KIT: variants seen among roughly 807,000 people sequenced by gnomAD.
KIT encodes KIT proto-oncogene, receptor tyrosine kinase.
Under a neutral mutation model 105.7 loss-of-function variants are expected in KIT, and 16 were observed. The ratio of observed to expected loss-of-function variants is 0.15; its 90% CI spans 0.10 to 0.23. KIT has a LOEUF of 0.23. Ranked by LOEUF, KIT falls within the 10% of genes least tolerant of loss-of-function variation. The pLI is 1.00. For synonymous variants in KIT, 438 were observed against 441.1 expected, an observed-to-expected ratio of 0.99 and a Z score of 0.09; for missense variants, 858 against 1,213.8, an observed-to-expected ratio of 0.71 and a Z score of 4.36.
intron 16 of KIT, among the ~76,000 whole-genome samples, chr4:54,732,218 G>A (rs1364054659): frequency 1.3e-5 from 2 of 151,974 alleles, no homozygotes; most frequent in East Asian, 3.9e-4. Flanking sequence ...TAAAGTACAA[G>A]CCTGTCTAAA....
chr4:54,706,274 A>G (rs888878427), intron 5 of KIT, among the ~76,000 whole-genome samples: 2 of 152,152 alleles, frequency 1.3e-5, no homozygotes, highest in African/African-American at 4.8e-5. Context: ...AATTGTGCCA[A>G]TTTACAGTGT....
intron 1 of KIT, among the ~76,000 whole-genome samples, chr4:54,672,278 C>G (rs1236185424): frequency 6.6e-6 from 1 of 151,052 alleles, no homozygotes; most frequent in East Asian, 1.9e-4. Flanking sequence ...AAATTGGTGA[C>G]TTAGACGTTT....
At chr4:54,692,387 A>G (rs1719774033) in intron 1 of KIT, among the ~76,000 whole-genome samples, 1 of 152,196 alleles carries the variant, frequency 6.6e-6, no homozygotes, top group African/African-American at 2.4e-5. Context: ...AGGTGTGGAA[A>G]CTTGGACACA....
chr4:54,734,405 A>G (rs1578004522), intron 17 of KIT, among the ~76,000 whole-genome samples: 1 of 152,210 alleles, frequency 6.6e-6, no homozygotes, highest in African/African-American at 2.4e-5. Flanking sequence ...TAATATATGT[A>G]AAGTGCTTAT....
intron 1 of KIT, among the ~76,000 whole-genome samples, chr4:54,677,833 G>C (rs1305127089): frequency 6.6e-6 from 1 of 152,208 alleles, no homozygotes; most frequent in Admixed American, 6.5e-5. Flanking sequence ...TGATTTAATA[G>C]AAAGCTTGAC....
chr4:54,670,342 C>T (rs1235656603), intron 1 of KIT, among the ~76,000 whole-genome samples: 2 of 152,086 alleles, frequency 1.3e-5, no homozygotes, highest in African/African-American at 4.8e-5. Context: ...TCTTGCTAAC[C>T]TTACACCTGG....
At chr4:54,661,976 G>A (rs1323950624) in intron 1 of KIT, among the ~76,000 whole-genome samples, 8 of 152,214 alleles carry the variant, frequency 5.3e-5, no homozygotes, top group African/African-American at 1.9e-4. Context: ...ATAGCCCGAG[G>A]AGACATGTTT....
chr4:54,722,501 C>T (rs1721941231), intron 7 of KIT, among the ~76,000 whole-genome samples: 1 of 152,092 alleles, frequency 6.6e-6, no homozygotes, highest in African/African-American at 2.4e-5. Context: ...GATGTGTCCA[C>T]TATGCATGGG....
intron 1 of KIT, among the ~76,000 whole-genome samples, chr4:54,678,354 C>CCCTCCT (rs1560381445): frequency 2.3e-3 from 160 of 68,118 alleles, no homozygotes; most frequent in East Asian, 6.8e-3. Context: ...CCTTCCTTCC[C>CCCTCCT]TCCCTCCCTC....
intron 1 of KIT, among the ~76,000 whole-genome samples, chr4:54,663,814 G>A (rs568859838): frequency 5.3e-5 from 8 of 152,098 alleles, no homozygotes; most frequent in Non-Finnish European, 1.0e-4. Flanking sequence ...TAGACACAGC[G>A]GTTAGTGTTC....
intron 4 of KIT, 62 bp from the exon 5 acceptor site, chr4:54,703,662 G>C: frequency 1.5e-6 from 2 of 1,371,410 alleles, no homozygotes; most frequent in South Asian, 2.4e-5. Flanking sequence ...ATCTAGGAAA[G>C]ATTCTGAATA....
At chr4:54,683,187 T>C (rs1719071166) in intron 1 of KIT, among the ~76,000 whole-genome samples, 1 of 152,208 alleles carries the variant, frequency 6.6e-6, no homozygotes, top group Non-Finnish European at 1.5e-5. Flanking sequence ...ATCTTAGAAT[T>C]GTTAGTGGCT....
In KIT at chr4:54,736,704, T is replaced by C; in HGVS notation, c.2597-17T>C. 6.2e-7 allele frequency: 1 copy of C among 1,610,872 alleles called. No individual in the cohort carries two copies. The highest frequency in any genetic ancestry group is 8.5e-7 in the Non-Finnish European group (1 of 1,177,006). On this transcript the variant is annotated splice_polypyrimidine_tract_variant and intron_variant, in intron 18 of 20. Coordinates refer to ENST00000288135, the MANE Select transcript of KIT (RefSeq NM_000222.3). ...TGCTTCCTTGTGATTAACACTGCTT[T>C]GCAAACTGTGTCTCAGGAAGCAGCC...
At position 54,657,978 on chromosome 4, in the gene KIT, C is replaced by T. The variant is rs199508856; in HGVS notation, c.-37C>T. The T allele has an allele frequency of 9.3e-6, 15 of 1,606,262 alleles. No homozygotes were observed. In the African/African-American group the frequency reaches 1.6e-4, roughly 17 times the overall value. ...CGCTGCACTTGGGCGAGAGCTGGAA[C>T]GTGGACCAGAGCTCGGATCCCATCG... On this transcript the variant is annotated 5_prime_UTR_variant, in exon 1 of 21. In the 5' UTR this introduces an upstream ATG that the reference lacks. Transcript: ENST00000288135.
Position 54,707,033 on chromosome 4 carries a change from G to T in KIT, c.926-65G>T, listed in dbSNP as rs964518784. On this transcript the variant is annotated intron_variant, in intron 5 of 20. Transcript: ENST00000288135. ...ATTGTTTTTGTAATTCCAAGATGAG[G>T]TTCTGTTTTTTTGTCCAGTAGTTGT... 1.6e-5 allele frequency: 14 copies of T among 882,818 alleles called. No homozygotes were observed. The African/African-American group carries it at 1.7e-4, about 11-fold the overall frequency. The allele number at this position is 882,818 out of a possible 1,614,324, so 54.7% of individuals were successfully genotyped here.
In KIT at chr4:54,675,896, G is replaced by A. The variant is rs972308423; in HGVS notation, c.67+17815G>A. On this transcript the variant is annotated intron_variant, in intron 1 of 20. Coordinates refer to ENST00000288135, the MANE Select transcript of KIT (RefSeq NM_000222.3). ...GCTGCAGAAGTTGTATTTGCCACCC[G>A]GTGTCACTATTCTGGAGTCCCGTAG... Among the ~76,000 whole-genome samples the A allele has an allele frequency of 2.6e-5, 4 of 152,070 alleles. No homozygotes were observed. In the East Asian group the frequency reaches 5.8e-4, roughly 22 times the overall value.
At chr4:54,696,829 A>G (rs1449782845) in intron 2 of KIT, among the ~76,000 whole-genome samples, 4 of 152,242 alleles carry the variant, frequency 2.6e-5, no homozygotes, top group Admixed American at 6.5e-5. Context: ...ATACCCTGGT[A>G]AGTCACCACT....
At chr4:54,674,223 G>T (rs1026572467) in intron 1 of KIT, among the ~76,000 whole-genome samples, 2 of 152,116 alleles carry the variant, frequency 1.3e-5, no homozygotes, top group African/African-American at 4.8e-5. Context: ...ATCCCCAGCA[G>T]CTTCTCCCCA....
Position 54,726,412 on chromosome 4 carries a change from A to G in KIT, c.1540+362A>G, listed in dbSNP as rs144173762. ...TTAAATTCAATTAAAAATTTCAGTTATTTAAAATGAATTATTTTAACACTT... is the reference window on the plus strand; with the variant it reads ...TTAAATTCAATTAAAAATTTCAGTTGTTTAAAATGAATTATTTTAACACTT... On this transcript the variant is annotated intron_variant, in intron 9 of 20. Coordinates refer to ENST00000288135, the MANE Select transcript of KIT (RefSeq NM_000222.3). 8.7e-3 allele frequency among the ~76,000 whole-genome samples: 1,320 copies of G among 152,362 alleles called. 25 individuals carry two copies. The highest frequency in any genetic ancestry group is 0.03 in the African/African-American group (1,236 of 41,588).
Sources: gnomAD v4.1 joint callset for allele counts (sites outside exome capture counted in the v4.1 genomes callset) on GRCh38, gnomAD v4.1.1 for gene constraint, MANE v1.5 for transcripts, NCBI Gene and HGNC (gene_info 2026-07-23, HGNC 2026-07-21) for gene names.